The following MDGA2 variants were observed in gnomAD, a reference collection of about 807,000 sequenced individuals.
MDGA2 encodes MAM domain containing glycosylphosphatidylinositol anchor 2, also known as MAM domain-containing glycosylphosphatidylinositol anchor protein 2.
A neutral mutation model predicts 117.8 loss-of-function variants in MDGA2; 40 were observed. That is an observed-to-expected ratio of 0.34 (90% CI 0.26 to 0.44). The LOEUF is 0.44. Ranked by LOEUF, MDGA2 falls within the 20% of genes least tolerant of loss-of-function variation. MDGA2 has a pLI of 1.00. For missense variants in MDGA2, 1,123 were observed against 1,250.6 expected (o/e 0.90, Z 1.54); for synonymous variants, 452 against 439.0 (o/e 1.03, Z -0.37).
intron 1 of MDGA2, among the ~76,000 whole-genome samples, chr14:47,621,164 G>T (rs927360602): frequency 6.6e-6 from 1 of 152,008 alleles, no homozygotes; most frequent in East Asian, 1.9e-4. Flanking sequence ...TTGCATATTA[G>T]AACTTGATTT....
chr14:46,918,389 T>A (rs1883982674), intron 10 of MDGA2, among the ~76,000 whole-genome samples: 1 of 152,162 alleles, frequency 6.6e-6, no homozygotes, highest in African/African-American at 2.4e-5. Flanking sequence ...TGAAAGGTTA[T>A]AAAATATTAG....
chr14:47,282,052 A>G (rs898183776), intron 2 of MDGA2, among the ~76,000 whole-genome samples: 82 of 139,362 alleles, frequency 5.9e-4, no homozygotes, highest in East Asian at 1.4e-3. Flanking sequence ...CGTCTCGGGA[A>G]AAAAAAAAAA....
intron 3 of MDGA2, among the ~76,000 whole-genome samples, chr14:47,151,350 T>C (rs1883156549): frequency 6.6e-6 from 1 of 152,190 alleles, no homozygotes; most frequent in Admixed American, 6.5e-5. Flanking sequence ...GACAACTCCA[T>C]TAGAAGGGCT....
intron 5 of MDGA2, among the ~76,000 whole-genome samples, chr14:47,111,256 A>G (rs138330292): frequency 3.3e-5 from 5 of 152,294 alleles, no homozygotes; most frequent in Non-Finnish European, 7.4e-5. Context: ...CTGGGATTCT[A>G]TTCTAGGGAA....
At chr14:47,218,873 G>T (rs978167323) in intron 2 of MDGA2, among the ~76,000 whole-genome samples, 1 of 151,934 alleles carries the variant, frequency 6.6e-6, no homozygotes, top group Non-Finnish European at 1.5e-5. Flanking sequence ...AAAACATTTT[G>T]AATATCTAAA....
chr14:47,420,285 G>A (rs1349867040), intron 1 of MDGA2, among the ~76,000 whole-genome samples: 1 of 152,054 alleles, frequency 6.6e-6, no homozygotes, highest in African/African-American at 2.4e-5. Context: ...ACACACTCAC[G>A]TCACAAGATA....
At chr14:46,909,196 ATTC>A (rs1346110476) in intron 10 of MDGA2, among the ~76,000 whole-genome samples, 2 of 152,202 alleles carry the variant, frequency 1.3e-5, no homozygotes, top group Non-Finnish European at 2.9e-5. Context: ...TCAAATCTTT[ATTC>A]TTATTCCTTT....
chr14:46,965,346 C>A (rs926213902), intron 8 of MDGA2, among the ~76,000 whole-genome samples: 1 of 152,110 alleles, frequency 6.6e-6, no homozygotes, highest in African/African-American at 2.4e-5. Flanking sequence ...TTTGCCCACA[C>A]CTGAAAGATT....
chr14:47,167,240 A>T (rs1883922370), intron 3 of MDGA2, among the ~76,000 whole-genome samples: 1 of 152,206 alleles, frequency 6.6e-6, no homozygotes, highest in African/African-American at 2.4e-5. Context: ...GGATAAAACA[A>T]ATTCTCATTA....
intron 3 of MDGA2, among the ~76,000 whole-genome samples, chr14:47,152,660 C>T (rs1177990647): frequency 6.6e-6 from 1 of 151,338 alleles, no homozygotes; most frequent in Non-Finnish European, 1.5e-5. Context: ...AAGTAGCCTA[C>T]AGTTCATGAG....
At chr14:47,000,393 A>T (rs1327274879) in intron 8 of MDGA2, among the ~76,000 whole-genome samples, 2 of 19,654 alleles carry the variant, frequency 1.0e-4, no homozygotes, top group African/African-American at 2.0e-4. Context: ...ATATATATTT[A>T]TATATAAATA....
At position 46,971,934 on chromosome 14, in the gene MDGA2, T is replaced by G. The variant is rs568853922; in HGVS notation, c.1820-14291A>C. Among the ~76,000 whole-genome samples, 143 of 152,286 alleles carry G rather than the reference T, an allele frequency of 9.4e-4. No homozygotes were observed. In the South Asian group the frequency reaches 0.02, roughly 21 times the overall value. On this transcript the variant is annotated intron_variant, in intron 8 of 16. Coordinates refer to ENST00000399232, the MANE Select transcript of MDGA2 (RefSeq NM_001113498.3). ...GTAGTATTTTTGGAACACTGTTGAC[T>G]TTGGGTTGTTGAAACAATGGAAAGT... is the stretch of plus-strand genomic sequence containing the variant.
Position 46,908,365 on chromosome 14 carries a change from T to C in MDGA2, c.2238+11647A>G, listed in dbSNP as rs560462622. On this transcript the variant is annotated intron_variant, in intron 10 of 16. Coordinates refer to ENST00000399232, the MANE Select transcript of MDGA2 (RefSeq NM_001113498.3). ...GGCACTCTAACCCTGATCAATTCTT[T>C]GGAGCTATTTAGGATTATTCTATCC... is the stretch of plus-strand genomic sequence containing the variant. Among the ~76,000 whole-genome samples the C allele has an allele frequency of 1.2e-4, 18 of 152,308 alleles. 1 individual carries two copies. The South Asian group carries it at 3.5e-3, about 30-fold the overall frequency.
rs67255552 is a variant in MDGA2, at chr14:47,370,468, G to GTTTTTTTTTTTTTT, written c.281-68932_281-68919dup. On this transcript the variant is annotated intron_variant, in intron 1 of 16. Transcript: ENST00000399232. Reference sequence around the variant, plus strand: ...TTACTATTTTCTAGGTCTACTTACTGTTTTTTTTTTTTTTTTTTTTTTTTT... The same window carrying GTTTTTTTTTTTTTT: ...TTACTATTTTCTAGGTCTACTTACTGTTTTTTTTTTTTTTTTTTTTTTTTTTTTTTTTTTTTTTT... Among the ~76,000 whole-genome samples the GTTTTTTTTTTTTTT allele has an allele frequency of 6.3e-4, 13 of 20,684 alleles. 3 individuals carry two copies. The highest frequency in any genetic ancestry group is 2.5e-3 in the East Asian group (1 of 398). The allele number at this position is 20,684 out of a possible 152,430, so 13.6% of individuals were successfully genotyped here. A position where few individuals can be genotyped will look rare whatever the true frequency, so the allele number is the denominator to read the frequency against.
intron 3 of MDGA2, among the ~76,000 whole-genome samples, chr14:47,193,820 T>G (rs1178208888): frequency 6.6e-6 from 1 of 152,178 alleles, no homozygotes; most frequent in Non-Finnish European, 1.5e-5. Context: ...CATTTGTCAC[T>G]TGTCATTTAT....
intron 4 of MDGA2, among the ~76,000 whole-genome samples, chr14:47,135,009 C>T (rs1467177483): frequency 6.6e-6 from 1 of 151,898 alleles, no homozygotes; most frequent in Non-Finnish European, 1.5e-5. Flanking sequence ...TCTGTTTCCA[C>T]TGACAAATTC....
rs1273828815 is a variant in MDGA2, at chr14:47,342,899, A to G, written c.281-41349T>C. 11 of 431,658 alleles carry G rather than the reference A, an allele frequency of 2.5e-5. No individual in the cohort carries two copies. The Admixed American group carries it at 2.6e-4, about 10-fold the overall frequency. The allele number at this position is 431,658 out of a possible 1,614,324, so 26.7% of individuals were successfully genotyped here. ...TTCCGTGTGGGGGAAAAAAGAGGAA[A>G]GGAACTCATTTCATACTTGGGATAA... On this transcript the variant is annotated intron_variant, in intron 1 of 16. Transcript: ENST00000399232.
intron 10 of MDGA2, among the ~76,000 whole-genome samples, chr14:46,912,406 C>G (rs1468247576): frequency 6.6e-6 from 1 of 152,084 alleles, no homozygotes; most frequent in Non-Finnish European, 1.5e-5. Flanking sequence ...CCTTCAGTTT[C>G]ATATCTAATG....
chr14:47,406,965 A>AT lies in MDGA2; in HGVS notation c.281-105416dup, dbSNP rs1892272820. Among the ~76,000 whole-genome samples, 5 of 152,096 alleles carry AT rather than the reference A, an allele frequency of 3.3e-5. No individual in the cohort carries two copies. In the South Asian group the frequency reaches 8.3e-4, roughly 25 times the overall value. On this transcript the variant is annotated intron_variant, in intron 1 of 16. Transcript: ENST00000399232. ...CTATGTACAGTATGAACTTTTATTCATTTTTTTCATTTAATATATTGTGAA... is the reference window on the plus strand; with the variant it reads ...CTATGTACAGTATGAACTTTTATTCATTTTTTTTCATTTAATATATTGTGAA...
Sources: gnomAD v4.1 joint callset for allele counts (sites outside exome capture counted in the v4.1 genomes callset) on GRCh38, gnomAD v4.1.1 for gene constraint, MANE v1.5 for transcripts, NCBI Gene and HGNC (gene_info 2026-07-23, HGNC 2026-07-21) for gene names.